CNTN5: variants seen among roughly 807,000 people sequenced by gnomAD.
The protein encoded by CNTN5 is contactin 5, also known as contactin-5.
Under a neutral mutation model 129.1 loss-of-function variants are expected in CNTN5, and 77 were observed. That is an observed-to-expected ratio of 0.60 (90% CI 0.50 to 0.72). The LOEUF (loss-of-function observed/expected upper bound fraction) is 0.72. Among genes scored for constraint, CNTN5 ranks in the 30% least tolerant of loss-of-function variants. The pLI is 0.00. For synonymous variants in CNTN5, 509 were observed against 465.6 expected (o/e 1.09, Z -1.20); for missense variants, 1,478 against 1,328.8 (o/e 1.11, Z -1.75).
chr11:100,304,991 T>C (rs1170536799), intron 20 of CNTN5, among the ~76,000 whole-genome samples: 1 of 151,390 alleles, frequency 6.6e-6, no homozygotes. Context: ...CTAATCTTAT[T>C]CTATCCATTC....
At chr11:99,832,420 G>T (rs1339391100) in intron 4 of CNTN5, among the ~76,000 whole-genome samples, 1 of 151,708 alleles carries the variant, frequency 6.6e-6, no homozygotes. Flanking sequence ...GTACGAAAGT[G>T]ACAAAAAACC....
At chr11:99,383,044 A>G (rs1305503762) in intron 2 of CNTN5, among the ~76,000 whole-genome samples, 3 of 150,792 alleles carry the variant, frequency 2.0e-5, no homozygotes, top group African/African-American at 7.3e-5. Flanking sequence ...TTTAGTAGAG[A>G]CAGGGTTTCA....
chr11:99,982,492 AAAG>A (rs1252264131), intron 8 of CNTN5, among the ~76,000 whole-genome samples: 1 of 152,314 alleles, frequency 6.6e-6, no homozygotes, highest in East Asian at 1.9e-4. Context: ...TGGAAAGAAA[AAAG>A]AAGCAACACA....
intron 1 of CNTN5, among the ~76,000 whole-genome samples, chr11:99,088,317 T>G (rs1220407351): frequency 6.6e-6 from 1 of 152,122 alleles, no homozygotes; most frequent in Admixed American, 6.5e-5. Context: ...TTACAGAGAC[T>G]GGTAAATATG....
intron 9 of CNTN5, among the ~76,000 whole-genome samples, chr11:100,005,739 T>C (rs1460655600): frequency 3.3e-5 from 5 of 152,126 alleles, no homozygotes; most frequent in Non-Finnish European, 7.3e-5. Context: ...TTATCATATC[T>C]ATAGAAGCTA....
chr11:99,121,111 G>GT (rs1326085499), intron 1 of CNTN5, among the ~76,000 whole-genome samples: 6 of 145,946 alleles, frequency 4.1e-5, no homozygotes, highest in Non-Finnish European at 7.6e-5. Context: ...ATTTTCAAGG[G>GT]TTTTAACTGT....
At chr11:99,278,963 AC>A (rs1863573723) in intron 1 of CNTN5, among the ~76,000 whole-genome samples, 1 of 151,642 alleles carries the variant, frequency 6.6e-6, no homozygotes, top group African/African-American at 2.4e-5. Flanking sequence ...CTTGCCTCAG[AC>A]CTTTCAAAGA....
intron 2 of CNTN5, among the ~76,000 whole-genome samples, chr11:99,552,865 T>C (rs576976370): frequency 3.9e-5 from 6 of 152,312 alleles, no homozygotes; most frequent in African/African-American, 1.2e-4. Flanking sequence ...TATGCACTAT[T>C]AACACCTTGC....
At chr11:100,288,560 C>G (rs1463770060) in intron 18 of CNTN5, among the ~76,000 whole-genome samples, 2 of 151,622 alleles carry the variant, frequency 1.3e-5, no homozygotes, top group South Asian at 4.2e-4. Context: ...TTGAAACCAA[C>G]GAGAACAAAG....
chr11:100,025,815 C>T (rs1218321454), intron 9 of CNTN5, among the ~76,000 whole-genome samples: 1 of 152,196 alleles, frequency 6.6e-6, no homozygotes, highest in African/African-American at 2.4e-5. Flanking sequence ...TTTGTTTACC[C>T]AATGCCTGTA....
intron 7 of CNTN5, among the ~76,000 whole-genome samples, chr11:99,922,174 G>T (rs72992846): frequency 6.6e-6 from 1 of 152,100 alleles, no homozygotes; most frequent in Admixed American, 6.5e-5. Context: ...TGCGTCTTAC[G>T]TGGTGGCAGG....
chr11:99,447,074 C>T (rs1944102877), intron 2 of CNTN5, among the ~76,000 whole-genome samples: 1 of 152,152 alleles, frequency 6.6e-6, no homozygotes, highest in Non-Finnish European at 1.5e-5. Flanking sequence ...CTTTCTAAGC[C>T]AAACAAACAT....
intron 1 of CNTN5, among the ~76,000 whole-genome samples, chr11:99,077,759 A>T (rs1427549666): frequency 6.6e-6 from 1 of 152,118 alleles, no homozygotes; most frequent in Non-Finnish European, 1.5e-5. Flanking sequence ...AGGAGATCTG[A>T]TGGTTTATAA....
At chr11:100,055,028 TAAA>T (rs137939088) in intron 9 of CNTN5, among the ~76,000 whole-genome samples, 30,640 of 90,354 alleles carry the variant, frequency 0.34, 3,544 homozygotes, top group East Asian at 0.48. Flanking sequence ...AGCCGTAGCC[TAAA>T]AAAAAAAAAA....
intron 2 of CNTN5, among the ~76,000 whole-genome samples, chr11:99,414,808 G>A (rs977135060): frequency 6.6e-6 from 1 of 152,156 alleles, no homozygotes; most frequent in Non-Finnish European, 1.5e-5. Context: ...CTTTGTGTCT[G>A]TCGTGAGTGA....
Position 100,071,723 on chromosome 11 carries a change from A to G in CNTN5, c.1318A>G (p.Asn440Asp), listed in dbSNP as rs1379207948. ...ATTACAGAGTAGGGTTGAGATGGTT[A>G]ATGGAGTATTGATGATCCACAATGT... Reference protein sequence around the residue: ...LSPQSRVEMVNGVLMIHNVNQ... With the variant: ...LSPQSRVEMVDGVLMIHNVNQ... The change falls in exon 12 of 25, where the codon AAT (asparagine) becomes GAT (aspartate). Residue 440 changes from asparagine to aspartate, a missense_variant. Transcript: ENST00000524871. 2.5e-6 allele frequency: 4 copies of G among 1,589,988 alleles called. No individual in the cohort carries two copies. The highest frequency in any genetic ancestry group is 2.3e-5 in the East Asian group (1 of 44,296).
chr11:100,199,657 A>G (rs1948727610), intron 15 of CNTN5, among the ~76,000 whole-genome samples: 1 of 151,922 alleles, frequency 6.6e-6, no homozygotes, highest in South Asian at 2.1e-4. Context: ...GTCTCCACTC[A>G]CTGTCTTCTC....
At chr11:99,894,188 G>A (rs1298671119) in intron 6 of CNTN5, among the ~76,000 whole-genome samples, 1 of 152,102 alleles carries the variant, frequency 6.6e-6, no homozygotes, top group African/African-American at 2.4e-5. Context: ...GCTCATGGTG[G>A]CATAGTTCAC....
chr11:99,517,297 C>T lies in CNTN5; in HGVS notation c.-70-38848C>T, dbSNP rs1053804611. Among the ~76,000 whole-genome samples the T allele has an allele frequency of 2.0e-5, 3 of 152,032 alleles. No individual in the cohort carries two copies. The South Asian group carries it at 6.2e-4, about 32-fold the overall frequency. ...ATATTTTCTTTATTATTCCCTTAAC[C>T]CTTCATCACCTCTTTCCTGGACTCT... On this transcript the variant is annotated intron_variant, in intron 2 of 24. Coordinates refer to ENST00000524871, the MANE Select transcript of CNTN5 (RefSeq NM_014361.4).
Sources: allele counts gnomAD v4.1 joint callset (sites outside exome capture counted in the v4.1 genomes callset), GRCh38; gene constraint gnomAD v4.1.1; transcripts MANE v1.5; gene names NCBI Gene and HGNC (gene_info 2026-07-23, HGNC 2026-07-21).